DOCK1: variants seen among roughly 807,000 people sequenced by gnomAD.
DOCK1 encodes dedicator of cytokinesis 1, also known as dedicator of cytokinesis protein 1.
Under a neutral mutation model 262.7 loss-of-function variants are expected in DOCK1, and 138 were observed. The observed-to-expected ratio is 0.53, with a 90% confidence interval of 0.46 to 0.61. The LOEUF (loss-of-function observed/expected upper bound fraction) is 0.61. Ranked by LOEUF, DOCK1 falls within the 20% of genes least tolerant of loss-of-function variation. DOCK1 has a pLI of 0.00. For missense variants in DOCK1, 1,908 were observed against 2,370.7 expected (o/e 0.80, Z 4.05); for synonymous variants, 866 against 867.4 (o/e 1.00, Z 0.03).
At chr10:127,214,405 C>T (rs1410906514) in intron 27 of DOCK1, among the ~76,000 whole-genome samples, 9 of 152,206 alleles carry the variant, frequency 5.9e-5, no homozygotes, top group Non-Finnish European at 4.4e-5. Flanking sequence ...AGCCTTGCTT[C>T]CTTTTGCCGT....
chr10:127,089,152 C>T (rs529597908), intron 23 of DOCK1, among the ~76,000 whole-genome samples: 3 of 152,220 alleles, frequency 2.0e-5, no homozygotes, highest in East Asian at 1.9e-4. Flanking sequence ...GCCCTGGACA[C>T]GGTGGCCCGC....
At chr10:126,950,062 T>G (rs1284591963) in intron 1 of DOCK1, among the ~76,000 whole-genome samples, 1 of 151,880 alleles carries the variant, frequency 6.6e-6, no homozygotes, top group Non-Finnish European at 1.5e-5. Flanking sequence ...CCTCATTTTT[T>G]TTTTCCATTT....
At chr10:126,992,277 C>T (rs2039845361) in intron 6 of DOCK1, among the ~76,000 whole-genome samples, 1 of 152,078 alleles carries the variant, frequency 6.6e-6, no homozygotes, top group Non-Finnish European at 1.5e-5. Flanking sequence ...AGACCACCTG[C>T]TTAATTTGGC....
intron 27 of DOCK1, among the ~76,000 whole-genome samples, chr10:127,228,633 T>C (rs955997885): frequency 6.6e-6 from 1 of 152,196 alleles, no homozygotes; most frequent in Non-Finnish European, 1.5e-5. Flanking sequence ...AGGCTGTGCT[T>C]GCATGCTGGA....
At chr10:127,315,696 T>C (rs1193288378) in intron 29 of DOCK1, among the ~76,000 whole-genome samples, 3 of 152,110 alleles carry the variant, frequency 2.0e-5, no homozygotes, top group Non-Finnish European at 4.4e-5. Context: ...CATTTCCGGA[T>C]TCCAAATACC....
intron 16 of DOCK1, among the ~76,000 whole-genome samples, chr10:127,027,480 G>A (rs1177382751): frequency 6.6e-6 from 1 of 152,202 alleles, no homozygotes. Context: ...CAGCTGCTCA[G>A]GAGGCTGAGG....
At chr10:127,331,335 T>C (rs1013009763) in intron 29 of DOCK1, among the ~76,000 whole-genome samples, 13 of 152,178 alleles carry the variant, frequency 8.5e-5, no homozygotes, top group Non-Finnish European at 4.4e-5. Flanking sequence ...CAGGCTGGAG[T>C]GCAGCGGCGC....
At chr10:126,986,800 C>T (rs1357354057) in intron 4 of DOCK1, among the ~76,000 whole-genome samples, 2 of 152,090 alleles carry the variant, frequency 1.3e-5, no homozygotes, top group Non-Finnish European at 2.9e-5. Context: ...GTCCCAGCTG[C>T]TTGGGAGGCT....
chr10:127,194,312 CATGGATAGTAAAT>C lies in DOCK1; in HGVS notation c.2848-53695_2848-53683del, dbSNP rs2056949260. Among the ~76,000 whole-genome samples, 2 of 152,290 alleles carry C rather than the reference CATGGATAGTAAAT, an allele frequency of 1.3e-5. 1 individual carries two copies. The highest frequency in any genetic ancestry group is 4.8e-5 in the African/African-American group (2 of 41,560). ...AGTGCCATCTAATGTAAGTAGTAAA[CATGGATAGTAAAT>C]GATTAATATCTGGTGAGGCATGCAG... On this transcript the variant is annotated intron_variant, in intron 27 of 51. Coordinates refer to ENST00000623213, the MANE Select transcript of DOCK1 (RefSeq NM_001290223.2).
At chr10:127,416,298 G>A (rs1302669405) in intron 44 of DOCK1, among the ~76,000 whole-genome samples, 1 of 152,214 alleles carries the variant, frequency 6.6e-6, no homozygotes, top group Non-Finnish European at 1.5e-5. Context: ...TGTGTCAGGT[G>A]GTAAAAATGC....
chr10:127,123,524 C>T lies in DOCK1; in HGVS notation c.2624-1950C>T, dbSNP rs148719574. On this transcript the variant is annotated intron_variant, in intron 25 of 51. Transcript: ENST00000623213. ...GAGCATTTGGAGTTAAACCCTACGT[C>T]GGATGCTGTGTTGTGGTTAAGGTCA... Among the ~76,000 whole-genome samples, 7 of 152,290 alleles carry T rather than the reference C, an allele frequency of 4.6e-5. No homozygotes were observed. In the East Asian group the frequency reaches 5.8e-4, roughly 13 times the overall value.
intron 2 of DOCK1, 76 bp downstream of exon 2, chr10:126,970,861 G>A (rs2038052708): frequency 1.3e-6 from 2 of 1,508,622 alleles, no homozygotes; most frequent in East Asian, 4.7e-5. Context: ...GCTGGGCAAA[G>A]CATTCCTCTG....
At chr10:127,229,418 C>T (rs1564919682) in intron 27 of DOCK1, among the ~76,000 whole-genome samples, 1 of 152,154 alleles carries the variant, frequency 6.6e-6, no homozygotes, top group Non-Finnish European at 1.5e-5. Context: ...CCTTGGTAAC[C>T]ACAATTCTAC....
At chr10:126,926,420 CGTAA>C (rs2033729263) in intron 1 of DOCK1, among the ~76,000 whole-genome samples, 1 of 152,108 alleles carries the variant, frequency 6.6e-6, no homozygotes, top group Non-Finnish European at 1.5e-5. Context: ...AACATTTTCC[CGTAA>C]GTATTTTCAT....
In DOCK1 at chr10:126,923,555, C is replaced by T. The variant is rs574043540; in HGVS notation, c.46+17992C>T. ...AGGAGAATCGCTTGAACCCGGGAGG[C>T]GGAGGTTGCAGTGAGCCGAGATGGC... On this transcript the variant is annotated intron_variant, in intron 1 of 51. Coordinates refer to ENST00000623213, the MANE Select transcript of DOCK1 (RefSeq NM_001290223.2). Among the ~76,000 whole-genome samples the T allele has an allele frequency of 3.9e-3, 587 of 152,216 alleles. 2 individuals are homozygous for T. The highest frequency in any genetic ancestry group is 0.014 in the Middle Eastern group (4 of 294).
At chr10:127,389,583 C>T (rs1210938638) in intron 38 of DOCK1, among the ~76,000 whole-genome samples, 1 of 152,180 alleles carries the variant, frequency 6.6e-6, no homozygotes, top group Non-Finnish European at 1.5e-5. Context: ...TGGGTCCCTG[C>T]CCAAATCTGA....
rs894393538 is a variant in DOCK1 at position 126,941,733 on chromosome 10, C to T, written c.47-28969C>T. Among the ~76,000 whole-genome samples the T allele has an allele frequency of 5.5e-4, 84 of 151,798 alleles. No individual in the cohort carries two copies. In the East Asian group the frequency reaches 7.1e-3, roughly 13 times the overall value. Reference sequence around the variant, plus strand: ...TCGTGCCACTGCACTCCAGCCTGGGCGACAGTGCGAGACTCCATCTCAAAA... The same window carrying T: ...TCGTGCCACTGCACTCCAGCCTGGGTGACAGTGCGAGACTCCATCTCAAAA... On this transcript the variant is annotated intron_variant, in intron 1 of 51. Transcript: ENST00000623213.
At chr10:127,188,371 T>C (rs1325557761) in intron 27 of DOCK1, among the ~76,000 whole-genome samples, 4 of 152,048 alleles carry the variant, frequency 2.6e-5, no homozygotes, top group African/African-American at 9.7e-5. Flanking sequence ...GAATAGGGCA[T>C]ATTCACACTT....
rs773316111 is a variant in DOCK1 at position 127,419,704 on chromosome 10, G to A, written c.4731G>A (p.Glu1577=). 4 of 1,606,060 alleles carry A rather than the reference G, an allele frequency of 2.5e-6. No individual in the cohort carries two copies. The South Asian group carries it at 3.4e-5, about 14-fold the overall frequency. The change falls in exon 46 of 52, where the codon GAG becomes GAA. Residue 1577 remains glutamate (E), a synonymous_variant. Coordinates refer to ENST00000623213, the MANE Select transcript of DOCK1 (RefSeq NM_001290223.2). ...FTDRYLQEHP[E]AHEKIEKLKD... The stretch of plus-strand genomic sequence containing the variant: ...ACCGGTACCTGCAGGAGCACCCTGA[G>A]GCCCATGAAAAGATCGAGAAGCTCA...
Sources: gnomAD v4.1 joint callset for allele counts (sites outside exome capture counted in the v4.1 genomes callset) on GRCh38, gnomAD v4.1.1 for gene constraint, MANE v1.5 for transcripts, NCBI Gene and HGNC (gene_info 2026-07-23, HGNC 2026-07-21) for gene names.